Variants in TSPAN9 observed in about 807,000 individuals in gnomAD.
The protein encoded by TSPAN9 is tetraspanin 9, also known as tetraspanin-9.
In TSPAN9, 16 loss-of-function variants were observed where a neutral mutation model predicts 31.0. That is an observed-to-expected ratio of 0.52 (90% CI 0.35 to 0.78). The LOEUF (loss-of-function observed/expected upper bound fraction) is 0.78. Among genes scored for constraint, TSPAN9 ranks in the 30% least tolerant of loss-of-function variants. TSPAN9 has a pLI of 0.01. For missense variants in TSPAN9, 272 were observed against 312.5 expected (o/e 0.87, Z 0.98); for synonymous variants, 145 against 121.6 (o/e 1.19, Z -1.27).
intron 2 of TSPAN9, among the ~76,000 whole-genome samples, chr12:3,181,276 A>T (rs1024179505): frequency 1.3e-5 from 2 of 152,202 alleles, no homozygotes; most frequent in Non-Finnish European, 2.9e-5. Flanking sequence ...CCAGGCACGG[A>T]ATCGGGCCCT....
At chr12:3,278,662 C>T (rs765199024) in intron 4 of TSPAN9, 50 bp downstream of exon 4, 4 of 1,584,742 alleles carry the variant, frequency 2.5e-6, no homozygotes, top group Middle Eastern at 1.7e-4. Context: ...TCTCCTTGCA[C>T]TTGGACCCCT....
chr12:3,157,880 T>C (rs958579316), intron 2 of TSPAN9, among the ~76,000 whole-genome samples: 3 of 152,196 alleles, frequency 2.0e-5, no homozygotes, highest in African/African-American at 4.8e-5. Flanking sequence ...GACATGATTA[T>C]AGGGTGCTGA....
intron 3 of TSPAN9, among the ~76,000 whole-genome samples, chr12:3,230,777 C>T (rs562005352): frequency 6.6e-6 from 1 of 152,244 alleles, no homozygotes; most frequent in Admixed American, 6.5e-5. Flanking sequence ...CATCCACATG[C>T]AGCCCCTGCT....
intron 3 of TSPAN9, among the ~76,000 whole-genome samples, chr12:3,204,496 G>A (rs1429575245): frequency 6.6e-6 from 1 of 152,186 alleles, no homozygotes; most frequent in Non-Finnish European, 1.5e-5. Flanking sequence ...TGCCTCACAG[G>A]CTGCTGGGTG....
chr12:3,230,833 C>T (rs2098390359), intron 3 of TSPAN9, among the ~76,000 whole-genome samples: 2 of 152,076 alleles, frequency 1.3e-5, no homozygotes, highest in South Asian at 2.1e-4. Context: ...TTGGAAGGCT[C>T]ACCTGTCCTC....
intron 3 of TSPAN9, among the ~76,000 whole-genome samples, chr12:3,256,893 A>C (rs1399156082): frequency 6.6e-6 from 1 of 152,130 alleles, no homozygotes; most frequent in African/African-American, 2.4e-5. Context: ...CTGTCCTGGG[A>C]TAGTCCTGTA....
chr12:3,163,620 T>C (rs1353124444), intron 2 of TSPAN9, among the ~76,000 whole-genome samples: 1 of 152,182 alleles, frequency 6.6e-6, no homozygotes, highest in Non-Finnish European at 1.5e-5. Context: ...TTTTTGCCAC[T>C]CAGAGGATTT....
In TSPAN9 at chr12:3,081,844, G is replaced by GTGTATATATA. The variant is rs57812985; in HGVS notation, c.-84-1808_-84-1807insGTATATATAT. 2.9e-3 allele frequency among the ~76,000 whole-genome samples: 334 copies of GTGTATATATA among 116,762 alleles called. 7 individuals are homozygous for GTGTATATATA. Among genetic ancestry groups the GTGTATATATA allele is most frequent in the African/African-American group, 0.012 (323 of 27,442 alleles). The allele number at this position is 116,762 out of a possible 152,430, so 76.6% of individuals were successfully genotyped here. On this transcript the variant is annotated intron_variant, in intron 1 of 8. Transcript: ENST00000011898. ...TGTGTGTGTGTGTGTGTCTGTGTGT[G>GTGTATATATA]TATATATATGCCAGGTGTGGTGGTA...
chr12:3,209,246 A>AT (rs1420472529), intron 3 of TSPAN9, among the ~76,000 whole-genome samples: 42 of 152,014 alleles, frequency 2.8e-4, no homozygotes, highest in African/African-American at 1.0e-3. Flanking sequence ...AAAAAAAAAA[A>AT]AAATAAAAAA....
At chr12:3,225,405 C>T (rs1384496550) in intron 3 of TSPAN9, among the ~76,000 whole-genome samples, 5 of 152,126 alleles carry the variant, frequency 3.3e-5, no homozygotes, top group Non-Finnish European at 7.4e-5. Context: ...CTCTACCTTT[C>T]TTGAAAGTGA....
intron 3 of TSPAN9, among the ~76,000 whole-genome samples, chr12:3,235,597 C>T (rs1188707083): frequency 1.3e-5 from 2 of 152,084 alleles, no homozygotes; most frequent in African/African-American, 2.4e-5. Flanking sequence ...CTGTGTGTGA[C>T]GAATGCGTGT....
At position 3,180,175 on chromosome 12, in the gene TSPAN9, C is replaced by A. The variant is rs151231426; in HGVS notation, c.-17-21002C>A. Among the ~76,000 whole-genome samples, 38 of 152,296 alleles carry A rather than the reference C, an allele frequency of 2.5e-4. No individual in the cohort carries two copies. In the East Asian group the frequency reaches 6.7e-3, roughly 27 times the overall value. ...AAACGTTTCATTAATTAATTCTTAT[C>A]TTTACTGTGTGAGATACCTTCTGGT... On this transcript the variant is annotated intron_variant, in intron 2 of 8. Coordinates refer to ENST00000011898, the MANE Select transcript of TSPAN9 (RefSeq NM_006675.5).
chr12:3,275,205 C>A (rs981022901), intron 3 of TSPAN9, among the ~76,000 whole-genome samples: 10 of 152,190 alleles, frequency 6.6e-5, no homozygotes, highest in African/African-American at 2.4e-4. Context: ...GCACTTATCC[C>A]AGGAGGGAAG....
At chr12:3,198,429 CCACCAGCACAGGTCA>C (rs1565610355) in intron 2 of TSPAN9, among the ~76,000 whole-genome samples, 5 of 106,656 alleles carry the variant, frequency 4.7e-5, no homozygotes, top group Non-Finnish European at 6.0e-5. Flanking sequence ...GCACAGCTCA[CCACCAGCACAGGTCA>C]CACCAGCACA....
At chr12:3,132,277 A>T (rs912766228) in intron 2 of TSPAN9, among the ~76,000 whole-genome samples, 1 of 152,256 alleles carries the variant, frequency 6.6e-6, no homozygotes, top group South Asian at 2.1e-4. Context: ...TCTTTTGAGC[A>T]TATACCTAGG....
chr12:3,280,869 G>A lies in TSPAN9; in HGVS notation c.433-329G>A, dbSNP rs1342256662. ...TAAGCCCTGGGGAGGGGCCGGCAGG[G>A]GGTTGGGTGGCAGTCAGCTTGGGAC... is the stretch of plus-strand genomic sequence containing the variant. On this transcript the variant is annotated intron_variant, in intron 6 of 8. Coordinates refer to ENST00000011898, the MANE Select transcript of TSPAN9 (RefSeq NM_006675.5). The surrounding 1 kb of genome is among the most constrained non-coding windows in gnomAD (Gnocchi z 4.5). Among the ~76,000 whole-genome samples the A allele has an allele frequency of 6.6e-6, 1 of 151,460 alleles. No individual in the cohort carries two copies. The highest frequency in any genetic ancestry group is 1.5e-5 in the Non-Finnish European group (1 of 67,844).
rs979286844 is a variant in TSPAN9, at chr12:3,172,400, G to T, written c.-17-28777G>T. ...GTTTTCAGTTGTGGACGAGTGCTTA[G>T]CTTTGCAGACCTGATTCTTTATCTC... On this transcript the variant is annotated intron_variant, in intron 2 of 8. Coordinates refer to ENST00000011898, the MANE Select transcript of TSPAN9 (RefSeq NM_006675.5). The surrounding 1 kb of genome is among the most constrained non-coding windows in gnomAD (Gnocchi z 4.8). 2 of 152,282 alleles carry T rather than the reference G, an allele frequency of 1.3e-5. No homozygotes were observed. Among genetic ancestry groups the T allele is most frequent in the African/African-American group, 4.8e-5 (2 of 41,462 alleles). 9.4% of individuals were successfully genotyped at this position (152,282 alleles called of 1,614,324 possible).
At chr12:3,109,748 A>C (rs2098317343) in intron 2 of TSPAN9, among the ~76,000 whole-genome samples, 1 of 150,048 alleles carries the variant, frequency 6.7e-6, no homozygotes, top group African/African-American at 2.5e-5. Context: ...CAGTCAGCCG[A>C]GATCGCACCA....
intron 3 of TSPAN9, among the ~76,000 whole-genome samples, chr12:3,271,399 G>C (rs1048908796): frequency 1.3e-5 from 2 of 152,170 alleles, no homozygotes; most frequent in African/African-American, 4.8e-5. Flanking sequence ...ACCATAGCTG[G>C]AGCCTAACTT....
Sources: gnomAD v4.1 joint callset for allele counts (sites outside exome capture counted in the v4.1 genomes callset) on GRCh38, gnomAD v4.1.1 for gene constraint, Gnocchi (gnomAD v3.1) non-coding constraint, MANE v1.5 for transcripts, NCBI Gene and HGNC (gene_info 2026-07-23, HGNC 2026-07-21) for gene names.